The following ACBD4 variants were observed in gnomAD, a reference collection of about 807,000 sequenced individuals.
The protein encoded by ACBD4 is acyl-CoA binding domain containing 4.
Under a neutral mutation model 46.0 loss-of-function variants are expected in ACBD4, and 41 were observed. The ratio of observed to expected loss-of-function variants is 0.89; its 90% CI spans 0.69 to 1.16. ACBD4 has a LOEUF of 1.16. Among genes scored for constraint, ACBD4 ranks in the 50% most tolerant of loss-of-function variants. ACBD4 has a pLI of 0.00. For synonymous variants in ACBD4, 162 were observed against 155.9 expected (o/e 1.04, Z -0.29); for missense variants, 393 against 399.5 (o/e 0.98, Z 0.14).
chr17:45,135,375 C>G (rs1363397739), upstream of ACBD4: 5 of 152,144 alleles, frequency 3.3e-5, no homozygotes, highest in African/African-American at 1.2e-4. Context: ...TGGGTTGCCT[C>G]GGATCGGCCA....
intron 8 of ACBD4, chr17:45,138,685 G>A (rs1048292127): frequency 2.6e-5 from 8 of 302,496 alleles, no homozygotes; most frequent in Admixed American, 1.7e-4. Flanking sequence ...GTATTCGGGA[G>A]GCTGAGGCAG....
intron 9 of ACBD4, among the ~76,000 whole-genome samples, chr17:45,140,328 C>A (rs2055190560): frequency 6.6e-6 from 1 of 151,128 alleles, no homozygotes; most frequent in African/African-American, 2.4e-5. Context: ...GGACTACAGG[C>A]AGCACCACCA....
intron 9 of ACBD4, among the ~76,000 whole-genome samples, chr17:45,140,208 G>C (rs541779791): frequency 2.7e-5 from 4 of 149,394 alleles, no homozygotes; most frequent in Non-Finnish European, 5.9e-5. Flanking sequence ...TTTTGAGATA[G>C]AGTCTTGCTC....
At chr17:45,141,296 G>A (rs1271007457) in intron 9 of ACBD4, among the ~76,000 whole-genome samples, 1 of 152,136 alleles carries the variant, frequency 6.6e-6, no homozygotes, top group African/African-American at 2.4e-5. Flanking sequence ...CCTATAGAAT[G>A]TTCCACCTTT....
chr17:45,134,477 A>C (rs190431575), upstream of ACBD4, among the ~76,000 whole-genome samples: 1 of 151,946 alleles, frequency 6.6e-6, no homozygotes, highest in African/African-American at 2.4e-5. Flanking sequence ...AAAATAATTA[A>C]TTTAAAAAGA....
chr17:45,132,599 G>A (rs2054487995), upstream of ACBD4: 1 of 268,552 alleles, frequency 3.7e-6, no homozygotes, highest in Non-Finnish European at 6.9e-6. This position sits in a 1 kb window ranked among gnomAD's most constrained non-coding sequence, Gnocchi z 4.6. Flanking sequence ...GCGGGGCCGG[G>A]GCGGTGCGAG....
At chr17:45,136,058 G>A (rs2054802451) in intron 1 of ACBD4, 50 bp from the exon 2 acceptor site, 19 of 1,398,676 alleles carry the variant, frequency 1.4e-5, no homozygotes, top group Non-Finnish European at 1.9e-5. Context: ...TTGGCTTATG[G>A]TGCCGGGGGG....
chr17:45,137,112 C>G lies in ACBD4; in HGVS notation c.388C>G (p.Pro130Ala), dbSNP rs754692397. 5.5e-5 allele frequency: 89 copies of G among 1,613,956 alleles called. No individual in the cohort carries two copies. Among genetic ancestry groups the G allele is most frequent in the Non-Finnish European group, 6.9e-5 (82 of 1,180,010 alleles). Reference sequence around the variant, plus strand: ...GGTGATCCCTGACATGCCGAGGCCCCCAGAGACCTTCCTGAGAAGGGTCAC... The same window carrying G: ...GGTGATCCCTGACATGCCGAGGCCCGCAGAGACCTTCCTGAGAAGGGTCAC... ...YQVIPDMPRP[P>A]ETFLRRVTGW... Residue 130 changes from proline (P) to alanine (A), a missense_variant, in exon 5 of 10, where the codon CCA (proline) becomes GCA (alanine). Around this residue, in one of 3 missense-constraint regions of ACBD4, gnomAD observed 308 missense variants for 301.8 expected, o/e 1.02. Coordinates refer to ENST00000321854, the MANE Select transcript of ACBD4 (RefSeq NM_001135705.3).
Position 45,138,041 on chromosome 17 carries a change from C to A in ACBD4, c.649+53C>A. ...CTTCTGCCCTTTCCCGTGGTCCTGG[C>A]ACCCCAGGCTTTCTCTTGGCTGCCT... On this transcript the variant is annotated intron_variant, in intron 8 of 9. Coordinates refer to ENST00000321854, the MANE Select transcript of ACBD4 (RefSeq NM_001135705.3). The A allele has an allele frequency of 3.2e-6, 5 of 1,538,888 alleles. No homozygotes were observed. In the Admixed American group the frequency reaches 5.6e-5, roughly 17 times the overall value.
upstream of ACBD4, among the ~76,000 whole-genome samples, chr17:45,131,664 C>T (rs1398690524): frequency 2.0e-5 from 3 of 152,246 alleles, no homozygotes; most frequent in Non-Finnish European, 4.4e-5. Flanking sequence ...CTGTGATGTT[C>T]CAATGAGCCA....
chr17:45,140,870 G>T (rs1381024728), intron 9 of ACBD4, among the ~76,000 whole-genome samples: 2 of 152,078 alleles, frequency 1.3e-5, no homozygotes, highest in Non-Finnish European at 2.9e-5. Context: ...AAACTTAGCT[G>T]GGCGAGGTGG....
intron 8 of ACBD4, 168 bp downstream of exon 8, chr17:45,138,156 G>A (rs988777162): frequency 4.1e-6 from 3 of 723,742 alleles, no homozygotes; most frequent in African/African-American, 1.8e-5. Flanking sequence ...TACCTGCCTG[G>A]ATGGGCAAAG....
Position 45,136,083 on chromosome 17 carries a change from C to G in ACBD4, c.-37-25C>G, listed in dbSNP as rs554542844. 3 of 1,578,246 alleles carry G rather than the reference C, an allele frequency of 1.9e-6. No homozygotes were observed. The African/African-American group carries it at 4.1e-5, about 21-fold the overall frequency. ...GTGCCGGGGGGACCCTGGAGGCCCC[C>G]TCACACGAAGGCTGCTTCTTGCAGA... On this transcript the variant is annotated intron_variant, in intron 1 of 9. Coordinates refer to ENST00000321854, the MANE Select transcript of ACBD4 (RefSeq NM_001135705.3).
At chr17:45,137,199 G>C in intron 5 of ACBD4, 60 bp downstream of exon 5, 1 of 1,609,946 alleles carries the variant, frequency 6.2e-7, no homozygotes, top group African/African-American at 1.3e-5. Flanking sequence ...GGTCTAGGCT[G>C]AGGTGGGCTG....
At chr17:45,134,732 A>G (rs1158454589), upstream of ACBD4, among the ~76,000 whole-genome samples, 4 of 152,002 alleles carry the variant, frequency 2.6e-5, no homozygotes, top group South Asian at 4.2e-4. Context: ...AGCCGAGATC[A>G]CGCCACTGCA....
chr17:45,139,234 TTTTG>T (rs1476036275), intron 9 of ACBD4, 74 bp downstream of exon 9: 1 of 1,534,134 alleles, frequency 6.5e-7, no homozygotes, highest in African/African-American at 1.4e-5. Context: ...TTCCAGCCAC[TTTTG>T]TTTTTGTCCT....
At chr17:45,133,763 C>G (rs955065984), upstream of ACBD4, among the ~76,000 whole-genome samples, 2 of 151,784 alleles carry the variant, frequency 1.3e-5, no homozygotes, top group African/African-American at 4.8e-5. Context: ...GATCTCCTGA[C>G]CTCGTGATCC....
In ACBD4 at chr17:45,137,066, T is replaced by C. The variant is rs747418629; in HGVS notation, c.342T>C (p.Gly114=). 2.5e-6 allele frequency: 4 copies of C among 1,614,046 alleles called. No homozygotes were observed. Among genetic ancestry groups the C allele is most frequent in the Non-Finnish European group, 2.5e-6 (3 of 1,180,000 alleles). The change falls in exon 5 of 10, where the codon GGT becomes GGC. Residue 114 remains glycine, a synonymous_variant. Coordinates refer to ENST00000321854, the MANE Select transcript of ACBD4 (RefSeq NM_001135705.3). The part of the protein sequence containing the change: ...PLGEVAEDMF[G]YFEPLYQVIP... ...GTGAGGTGGCAGAGGACATGTTTGG[T>C]TACTTCGAGCCCCTGTACCAGGTGA...
upstream of ACBD4, among the ~76,000 whole-genome samples, chr17:45,131,800 G>T (rs969964465): frequency 6.6e-6 from 1 of 152,222 alleles, no homozygotes; most frequent in East Asian, 1.9e-4. Flanking sequence ...TGGGGCCGCG[G>T]CTTGGAGGGC....
Sources: allele counts gnomAD v4.1 joint callset (sites outside exome capture counted in the v4.1 genomes callset), GRCh38; gene constraint gnomAD v4.1.1; regional missense constraint gnomAD v4.1.1; non-coding constraint Gnocchi (gnomAD v3.1); transcripts MANE v1.5; gene names NCBI Gene and HGNC (gene_info 2026-07-23, HGNC 2026-07-21).